The following SEL1L2 variants were observed in gnomAD, a reference collection of about 807,000 sequenced individuals.
SEL1L2 encodes protein sel-1 homolog 2.
Under a neutral mutation model 98.8 loss-of-function variants are expected in SEL1L2, and 89 were observed. That is an observed-to-expected ratio of 0.90 (90% CI 0.76 to 1.07). The LOEUF is 1.07. Among genes scored for constraint, SEL1L2 ranks in the 50% least tolerant of loss-of-function variants. The pLI, the probability that SEL1L2 is intolerant of heterozygous loss-of-function variation, is 0.00. For missense variants in SEL1L2, 788 were observed against 812.0 expected, an observed-to-expected ratio of 0.97 and a Z score of 0.36; for synonymous variants, 262 against 278.5, an observed-to-expected ratio of 0.94 and a Z score of 0.59.
intron 2 of SEL1L2, among the ~76,000 whole-genome samples, chr20:13,945,849 A>T (rs1458146892): frequency 6.6e-6 from 1 of 152,202 alleles, no homozygotes; most frequent in Non-Finnish European, 1.5e-5. Context: ...ATGATTATCT[A>T]AATTGATGTA....
chr20:13,887,924 AAT>A lies in SEL1L2; in HGVS notation c.663+16_663+17del, dbSNP rs2047032185. ...TATGGCATACAAATTTGGTTCCAAG[AAT>A]ATTTTGTTTACAAACCAAAATCATC... On this transcript the variant is annotated intron_variant, in intron 7 of 19. Coordinates refer to ENST00000284951, the MANE Select transcript of SEL1L2 (RefSeq NM_025229.2). 1.2e-6 allele frequency: 2 copies of A among 1,613,310 alleles called. No individual in the cohort carries two copies. Among genetic ancestry groups the A allele is most frequent in the East Asian group, 4.5e-5 (2 of 44,808 alleles).
intron 5 of SEL1L2, among the ~76,000 whole-genome samples, chr20:13,898,358 T>G (rs1255351820): frequency 6.6e-6 from 1 of 152,118 alleles, no homozygotes; most frequent in Non-Finnish European, 1.5e-5. Flanking sequence ...CACAGACACA[T>G]TAAAGAATAT....
intron 2 of SEL1L2, among the ~76,000 whole-genome samples, chr20:13,938,402 T>A (rs571588944): frequency 1.6e-4 from 24 of 152,322 alleles, no homozygotes; most frequent in African/African-American, 5.5e-4. Context: ...TAATAGCTTC[T>A]AGTTTAAGAG....
Position 13,876,785 on chromosome 20 carries a change from C to T in SEL1L2, c.1027-670G>A, listed in dbSNP as rs937787399. ...TGGGGTGGTCATAGGCTCATAGCTA[C>T]GCTCAGAGGAGGAGCCCTGGGCCAG... On this transcript the variant is annotated intron_variant, in intron 11 of 19. Transcript: ENST00000284951. Among the ~76,000 whole-genome samples the T allele has an allele frequency of 9.2e-5, 14 of 152,256 alleles. No homozygotes were observed. In the East Asian group the frequency reaches 2.1e-3, roughly 23 times the overall value.
intron 1 of SEL1L2, among the ~76,000 whole-genome samples, chr20:13,980,786 A>G (rs1305894227): frequency 2.6e-5 from 4 of 152,230 alleles, no homozygotes. Flanking sequence ...ATATATATAC[A>G]ATGAAATATT....
chr20:13,910,377 T>G (rs137895212), intron 5 of SEL1L2, among the ~76,000 whole-genome samples: 159 of 152,346 alleles, frequency 1.0e-3, no homozygotes, highest in African/African-American at 3.6e-3. Flanking sequence ...AATCTCTTTT[T>G]ACCCTAAGAT....
chr20:13,903,072 C>T (rs543759457), intron 5 of SEL1L2, among the ~76,000 whole-genome samples: 3 of 147,082 alleles, frequency 2.0e-5, no homozygotes, highest in East Asian at 2.0e-4. Context: ...GAGGTGAGAT[C>T]GCGCCACTGC....
chr20:13,906,504 G>A (rs1461098163), intron 5 of SEL1L2, among the ~76,000 whole-genome samples: 2 of 152,042 alleles, frequency 1.3e-5, no homozygotes, highest in Non-Finnish European at 2.9e-5. Flanking sequence ...AACAACTCAG[G>A]TACTGTCTGT....
chr20:13,920,226 C>A (rs1173394974), intron 3 of SEL1L2, among the ~76,000 whole-genome samples: 2 of 61,016 alleles, frequency 3.3e-5, no homozygotes, highest in East Asian at 5.8e-4. Flanking sequence ...AGACTCCGTC[C>A]CAAAAAAAAA....
Position 13,947,393 on chromosome 20 carries a change from A to G in SEL1L2, c.114+8683T>C, listed in dbSNP as rs556657005. ...ATGGGAGCTACCCACTCTGAATCTC[A>G]TCTCCAGTAAGAGCTGTGTTCATCA... On this transcript the variant is annotated intron_variant, in intron 2 of 19. Coordinates refer to ENST00000284951, the MANE Select transcript of SEL1L2 (RefSeq NM_025229.2). Among the ~76,000 whole-genome samples, 36 of 152,132 alleles carry G rather than the reference A, an allele frequency of 2.4e-4. 1 individual carries two copies. In the South Asian group the frequency reaches 7.5e-3, roughly 32 times the overall value.
intron 9 of SEL1L2, among the ~76,000 whole-genome samples, chr20:13,885,968 C>T (rs1045562833): frequency 1.7e-4 from 25 of 151,326 alleles, no homozygotes; most frequent in African/African-American, 5.3e-4. Flanking sequence ...ACTCGGGAGG[C>T]GGAGCTTGCA....
chr20:13,854,261 A>G (rs1379050820), intron 18 of SEL1L2, among the ~76,000 whole-genome samples: 1 of 152,210 alleles, frequency 6.6e-6, no homozygotes, highest in Non-Finnish European at 1.5e-5. Flanking sequence ...GTCTACATAT[A>G]TGTATTTGAA....
chr20:13,866,907 A>T (rs994736933), intron 14 of SEL1L2, 57 bp from the exon 15 acceptor site: 8 of 1,473,754 alleles, frequency 5.4e-6, no homozygotes, highest in Non-Finnish European at 6.4e-6. Context: ...TTATATTATA[A>T]TCTATGGATA....
At chr20:13,885,902 G>C (rs569909863) in intron 9 of SEL1L2, among the ~76,000 whole-genome samples, 31 of 152,126 alleles carry the variant, frequency 2.0e-4, no homozygotes, top group African/African-American at 7.5e-4. Flanking sequence ...AGGCGTGGTG[G>C]TGTGGGCACC....
intron 1 of SEL1L2, among the ~76,000 whole-genome samples, chr20:13,983,044 A>AAAAAAAAAAAAAAAAAAAAAAAAAC (rs2051932584): frequency 6.9e-6 from 1 of 144,294 alleles, no homozygotes; most frequent in Non-Finnish European, 1.5e-5. Flanking sequence ...AAAAAAAAAA[A>AAAAAAAAAAAAAAAAAAAAAAAAAC]AAAAGCAGCA....
At chr20:13,940,148 A>C (rs1478702694) in intron 2 of SEL1L2, among the ~76,000 whole-genome samples, 1 of 152,226 alleles carries the variant, frequency 6.6e-6, no homozygotes, top group African/African-American at 2.4e-5. Context: ...TAAATGAACA[A>C]GTTAGTATCA....
chr20:13,945,317 A>T (rs963960175), intron 2 of SEL1L2, among the ~76,000 whole-genome samples: 1 of 152,120 alleles, frequency 6.6e-6, no homozygotes, highest in Non-Finnish European at 1.5e-5. Context: ...TGATATTCTT[A>T]CGTTTTTCTG....
chr20:13,979,960 T>A (rs2051731129), intron 1 of SEL1L2, among the ~76,000 whole-genome samples: 1 of 152,064 alleles, frequency 6.6e-6, no homozygotes, highest in South Asian at 2.1e-4. Flanking sequence ...ACCATACATT[T>A]GATAAAGGAC....
chr20:13,951,011 T>C (rs1274848384), intron 2 of SEL1L2, among the ~76,000 whole-genome samples: 1 of 152,074 alleles, frequency 6.6e-6, no homozygotes, highest in Non-Finnish European at 1.5e-5. Context: ...GCGCGGTGGC[T>C]CACACCTGTA....
Sources: gnomAD v4.1 joint callset for allele counts (sites outside exome capture counted in the v4.1 genomes callset) on GRCh38, gnomAD v4.1.1 for gene constraint, MANE v1.5 for transcripts, NCBI Gene and HGNC (gene_info 2026-07-23, HGNC 2026-07-21) for gene names.